WWOX: variants seen among roughly 807,000 people sequenced by gnomAD.
WWOX encodes WW domain-containing oxidoreductase.
In WWOX, 69 loss-of-function variants were observed where a neutral mutation model predicts 46.2. That is an observed-to-expected ratio of 1.49 (90% CI 1.23 to 1.82). WWOX has a LOEUF of 1.82. Ranked by LOEUF, WWOX falls within the 40% of genes most tolerant of loss-of-function variation. The pLI is 0.00. For missense variants in WWOX, 919 were observed against 542.6 expected (o/e 1.69, Z -6.89); for synonymous variants, 359 against 202.6 (o/e 1.77, Z -6.56).
At chr16:78,219,910 T>C (rs1448698432) in intron 5 of WWOX, among the ~76,000 whole-genome samples, 1 of 152,180 alleles carries the variant, frequency 6.6e-6, no homozygotes, top group Non-Finnish European at 1.5e-5. Flanking sequence ...TTACCAAACA[T>C]TGTACGTTTT....
intron 8 of WWOX, among the ~76,000 whole-genome samples, chr16:78,442,088 G>A (rs28386852): frequency 0.064 from 9,759 of 151,670 alleles, 486 homozygotes; most frequent in South Asian, 0.16. Context: ...AGTGAGCTAT[G>A]ATGGTGCCCC....
At chr16:78,496,967 A>G (rs1000315278) in intron 8 of WWOX, among the ~76,000 whole-genome samples, 1 of 152,246 alleles carries the variant, frequency 6.6e-6, no homozygotes, top group African/African-American at 2.4e-5. Context: ...AAATGCTCAA[A>G]TCAAGGGAGT....
intron 8 of WWOX, among the ~76,000 whole-genome samples, chr16:78,660,710 A>G (rs2047190149): frequency 6.6e-6 from 1 of 151,958 alleles, no homozygotes; most frequent in Non-Finnish European, 1.5e-5. Flanking sequence ...TCATTCCCAG[A>G]CCTCTCTCCA....
chr16:78,344,648 G>T (rs2081065547), intron 5 of WWOX, among the ~76,000 whole-genome samples: 1 of 121,444 alleles, frequency 8.2e-6, no homozygotes, highest in East Asian at 1.9e-4. Flanking sequence ...GTTTCAATGA[G>T]TACCTATGTG....
chr16:78,591,223 A>G (rs1192643747), intron 8 of WWOX, among the ~76,000 whole-genome samples: 1 of 152,116 alleles, frequency 6.6e-6, no homozygotes, highest in African/African-American at 2.4e-5. Context: ...AGAACAAAGC[A>G]CCTTCTCTTC....
chr16:78,793,982 T>A (rs1236703796), intron 8 of WWOX, among the ~76,000 whole-genome samples: 1 of 152,120 alleles, frequency 6.6e-6, no homozygotes, highest in Non-Finnish European at 1.5e-5. Context: ...CCATGCCATA[T>A]AGCAAAGTTC....
chr16:78,876,012 C>G (rs181028479), intron 8 of WWOX, among the ~76,000 whole-genome samples: 7 of 152,244 alleles, frequency 4.6e-5, no homozygotes, highest in African/African-American at 1.7e-4. Flanking sequence ...CTCCCACCCT[C>G]TCTTATTTTT....
chr16:78,413,933 G>T (rs1359631137), intron 6 of WWOX, among the ~76,000 whole-genome samples: 1 of 151,752 alleles, frequency 6.6e-6, no homozygotes, highest in African/African-American at 2.4e-5. Context: ...CATAACCCCT[G>T]TGACCTGCAC....
At chr16:79,143,258 C>T (rs562992119) in intron 8 of WWOX, among the ~76,000 whole-genome samples, 9 of 152,208 alleles carry the variant, frequency 5.9e-5, no homozygotes, top group Non-Finnish European at 7.3e-5. Flanking sequence ...TTTCTCTACA[C>T]TCTTTTTTGG....
At chr16:78,566,959 G>A (rs1170200185) in intron 8 of WWOX, among the ~76,000 whole-genome samples, 1 of 152,176 alleles carries the variant, frequency 6.6e-6, no homozygotes, top group Non-Finnish European at 1.5e-5. Context: ...TAAAATGGAA[G>A]CAACCACCAG....
At chr16:78,758,848 C>G (rs1366559744) in intron 8 of WWOX, among the ~76,000 whole-genome samples, 1 of 150,758 alleles carries the variant, frequency 6.6e-6, no homozygotes, top group Non-Finnish European at 1.5e-5. Flanking sequence ...TATCACTAAC[C>G]ATTTGAAGAT....
intron 8 of WWOX, among the ~76,000 whole-genome samples, chr16:79,092,503 C>A (rs1344363911): frequency 6.6e-6 from 1 of 152,182 alleles, no homozygotes; most frequent in Non-Finnish European, 1.5e-5. Flanking sequence ...CTTCCAGGAG[C>A]CCAGCTCTTT....
chr16:79,092,425 A>G (rs2048981137), intron 8 of WWOX, among the ~76,000 whole-genome samples: 1 of 152,174 alleles, frequency 6.6e-6, no homozygotes, highest in Non-Finnish European at 1.5e-5. Context: ...TTGTTCCAAC[A>G]TGATTGGTTC....
chr16:78,977,427 A>G (rs4888000), intron 8 of WWOX, among the ~76,000 whole-genome samples: 102,144 of 151,938 alleles, frequency 0.67, 34,457 homozygotes, highest in Middle Eastern at 0.78. Context: ...TCCTCGCCCC[A>G]CAAGCAAAGC....
chr16:78,382,420 A>C (rs1799106631), intron 5 of WWOX, among the ~76,000 whole-genome samples: 1 of 152,224 alleles, frequency 6.6e-6, no homozygotes, highest in African/African-American at 2.4e-5. Context: ...GGCCACGGTG[A>C]GCTGGGCCCA....
chr16:78,911,477 G>A lies in WWOX; in HGVS notation c.1057-300131G>A, dbSNP rs139832327. 2.6e-3 allele frequency among the ~76,000 whole-genome samples: 398 copies of A among 152,116 alleles called. 5 individuals carry two copies. The highest frequency in any genetic ancestry group is 3.7e-3 in the Non-Finnish European group (252 of 68,006). ...AGAAATGATAATGGTGAAAGATTCA[G>A]AAGTTGAAGGAGATATAAGGAGAGA... On this transcript the variant is annotated intron_variant, in intron 8 of 8. Transcript: ENST00000566780.
At chr16:78,678,291 G>A (rs537896760) in intron 8 of WWOX, among the ~76,000 whole-genome samples, 11 of 152,270 alleles carry the variant, frequency 7.2e-5, no homozygotes, top group African/African-American at 1.9e-4. Context: ...CAGGAGGATC[G>A]CTTGAGCCCA....
At chr16:78,675,927 G>GA (rs1221052880) in intron 8 of WWOX, among the ~76,000 whole-genome samples, 5 of 152,160 alleles carry the variant, frequency 3.3e-5, no homozygotes, top group African/African-American at 1.2e-4. Context: ...AAAGAAGTGG[G>GA]AAAAAATTTA....
intron 8 of WWOX, among the ~76,000 whole-genome samples, chr16:78,751,827 AAAAG>A (rs1179117477): frequency 2.0e-5 from 3 of 151,800 alleles, no homozygotes; most frequent in Non-Finnish European, 2.9e-5. Context: ...ATTTTCTAGA[AAAAG>A]AAAGGAAGGA....
Sources: allele counts gnomAD v4.1 joint callset (sites outside exome capture counted in the v4.1 genomes callset), GRCh38; gene constraint gnomAD v4.1.1; transcripts MANE v1.5; gene names NCBI Gene and HGNC (gene_info 2026-07-23, HGNC 2026-07-21).